Variants in CPNE4 observed in about 807,000 individuals in gnomAD.
CPNE4 encodes copine 4.
CPNE4 carries 25 observed loss-of-function variants against 67.9 expected under a neutral mutation model. The ratio of observed to expected loss-of-function variants is 0.37; its 90% CI spans 0.27 to 0.51. The LOEUF is 0.51. Among genes scored for constraint, CPNE4 ranks in the 20% least tolerant of loss-of-function variants. The pLI, the probability that CPNE4 is intolerant of heterozygous loss-of-function variation, is 0.93. For missense variants in CPNE4, 464 were observed against 690.8 expected (o/e 0.67, Z 3.68); for synonymous variants, 242 against 244.9 (o/e 0.99, Z 0.11).
chr3:131,542,548 TA>T lies in CPNE4; in HGVS notation c.1539+8del. 1 of 1,593,092 alleles carries T rather than the reference TA, an allele frequency of 6.3e-7. No homozygotes were observed. The highest frequency in any genetic ancestry group is 1.7e-5 in the Admixed American group (1 of 60,000). On this transcript the variant is annotated splice_region_variant and intron_variant, in intron 15 of 15. Coordinates refer to ENST00000429747, the MANE Select transcript of CPNE4 (RefSeq NM_130808.3). ...TCCATGAAAAGTGCCCCAATGTGTA[TA>T]TGCATACGTGTTTGAAGTTCCTGAA...
chr3:131,671,068 G>A (rs1027294756), intron 6 of CPNE4, among the ~76,000 whole-genome samples: 5 of 152,156 alleles, frequency 3.3e-5, no homozygotes, highest in East Asian at 1.9e-4. Flanking sequence ...GATTACAAGC[G>A]TGAGCCACAG....
chr3:131,687,454 C>T (rs2080919973), intron 5 of CPNE4, among the ~76,000 whole-genome samples: 1 of 152,120 alleles, frequency 6.6e-6, no homozygotes, highest in African/African-American at 2.4e-5. Context: ...GAGCAAAAAC[C>T]TTATTCATCA....
At chr3:131,757,682 T>TCTAACAA (rs1367062271) in intron 2 of CPNE4, among the ~76,000 whole-genome samples, 3 of 152,124 alleles carry the variant, frequency 2.0e-5, no homozygotes, top group African/African-American at 7.2e-5. Context: ...CTGGGGAAAA[T>TCTAACAA]GTCTCCAGGC....
chr3:131,604,353 A>T (rs1360152965), intron 7 of CPNE4, among the ~76,000 whole-genome samples: 1 of 152,178 alleles, frequency 6.6e-6, no homozygotes, highest in Non-Finnish European at 1.5e-5. Context: ...ATGAGACCTG[A>T]GTAAATGCCT....
intron 2 of CPNE4, among the ~76,000 whole-genome samples, chr3:131,752,935 A>G (rs973764924): frequency 5.9e-5 from 9 of 152,066 alleles, no homozygotes. Flanking sequence ...ACTTGAGTCT[A>G]CCCAAGAAAA....
At chr3:131,608,876 C>A (rs1031594130) in intron 7 of CPNE4, among the ~76,000 whole-genome samples, 1 of 152,048 alleles carries the variant, frequency 6.6e-6, no homozygotes, top group Non-Finnish European at 1.5e-5. Flanking sequence ...CTCCCTGACA[C>A]CCCCATTTTC....
intron 3 of CPNE4, among the ~76,000 whole-genome samples, chr3:131,719,940 A>G (rs540961237): frequency 6.6e-6 from 1 of 152,356 alleles, no homozygotes; most frequent in African/African-American, 2.4e-5. Flanking sequence ...GTGGGTGATG[A>G]GATTCATGTG....
intron 2 of CPNE4, among the ~76,000 whole-genome samples, chr3:131,750,699 G>T (rs1318963770): frequency 6.6e-6 from 1 of 152,082 alleles, no homozygotes; most frequent in Admixed American, 6.5e-5. Flanking sequence ...CAGAATTCAG[G>T]AGGAGAAAAA....
chr3:131,720,363 C>T (rs1479319195), intron 3 of CPNE4, among the ~76,000 whole-genome samples: 3 of 147,120 alleles, frequency 2.0e-5, no homozygotes, highest in African/African-American at 7.6e-5. Flanking sequence ...CGGCTCAATG[C>T]AACCTCTGCC....
At chr3:131,924,145 C>G (rs1403275216) in intron 1 of CPNE4, among the ~76,000 whole-genome samples, 1 of 152,200 alleles carries the variant, frequency 6.6e-6, no homozygotes, top group Non-Finnish European at 1.5e-5. Flanking sequence ...GTCCTGTACT[C>G]TTCTCATCAG....
chr3:131,893,937 A>C (rs1191579775), intron 2 of CPNE4, among the ~76,000 whole-genome samples: 1 of 151,868 alleles, frequency 6.6e-6, no homozygotes, highest in Non-Finnish European at 1.5e-5. Flanking sequence ...GGCAAAATTG[A>C]TAGAAGAAAA....
At chr3:131,818,679 C>T (rs2084841665) in intron 2 of CPNE4, among the ~76,000 whole-genome samples, 1 of 152,188 alleles carries the variant, frequency 6.6e-6, no homozygotes, top group African/African-American at 2.4e-5. Context: ...ACAAGAAGCA[C>T]AATGTTTTTG....
chr3:131,914,820 T>C (rs1486899040), intron 1 of CPNE4, among the ~76,000 whole-genome samples: 1 of 151,962 alleles, frequency 6.6e-6, no homozygotes, highest in Non-Finnish European at 1.5e-5. Context: ...CTACTAAAAA[T>C]ACAAAATTAG....
At chr3:132,002,473 T>C (rs2073480555) in intron 1 of CPNE4, among the ~76,000 whole-genome samples, 1 of 152,154 alleles carries the variant, frequency 6.6e-6, no homozygotes, top group Admixed American at 6.6e-5. Context: ...ATACATTTCT[T>C]CTTTTTTCCC....
At chr3:131,569,033 T>G (rs888147998) in intron 10 of CPNE4, among the ~76,000 whole-genome samples, 2 of 152,066 alleles carry the variant, frequency 1.3e-5, no homozygotes, top group African/African-American at 2.4e-5. Context: ...TCTTAAATAA[T>G]GTTACATTTT....
chr3:131,663,726 G>T (rs1028980089), intron 7 of CPNE4, among the ~76,000 whole-genome samples: 2 of 152,134 alleles, frequency 1.3e-5, no homozygotes, highest in African/African-American at 4.8e-5. Context: ...ACCAGGCATG[G>T]CAGCCTAAGA....
chr3:131,635,143 A>G (rs56031094), intron 7 of CPNE4, among the ~76,000 whole-genome samples: 1,624 of 152,274 alleles, frequency 0.011, 26 homozygotes, highest in African/African-American at 0.036. Context: ...ATTTGGGTTC[A>G]GTAACCTCTT....
chr3:131,729,529 T>C (rs12489612), intron 2 of CPNE4, among the ~76,000 whole-genome samples: 52,078 of 152,040 alleles, frequency 0.34, 9,009 homozygotes, highest in East Asian at 0.37. Flanking sequence ...TAGTGGCTTG[T>C]TCTGTAGCTG....
intron 2 of CPNE4, among the ~76,000 whole-genome samples, chr3:131,782,273 A>G (rs1199380794): frequency 6.6e-6 from 1 of 152,110 alleles, no homozygotes; most frequent in African/African-American, 2.4e-5. Context: ...GTGAAAGGAA[A>G]CAGCCAATGC....
Sources: gnomAD v4.1 joint callset for allele counts (sites outside exome capture counted in the v4.1 genomes callset) on GRCh38, gnomAD v4.1.1 for gene constraint, MANE v1.5 for transcripts, NCBI Gene and HGNC (gene_info 2026-07-23, HGNC 2026-07-21) for gene names.